MAST4: variants seen among roughly 807,000 people sequenced by gnomAD.
The protein encoded by MAST4 is microtubule associated serine/threonine kinase family member 4.
In MAST4, 89 loss-of-function variants were observed where a neutral mutation model predicts 162.7. The observed-to-expected ratio is 0.55, with a 90% CI of 0.46 to 0.65. MAST4 has a LOEUF of 0.65. Ranked by LOEUF, MAST4 falls within the 30% of genes least tolerant of loss-of-function variation. The probability of loss-of-function intolerance (pLI) is 0.00; values close to 1 mark genes in which losing one functional copy is unlikely to be tolerated. For synonymous variants in MAST4, 1,479 were observed against 1,361.1 expected, an observed-to-expected ratio of 1.09 and a Z score of -1.91; for missense variants, 3,153 against 3,374.0, an observed-to-expected ratio of 0.93 and a Z score of 1.62.
chr5:67,164,246 C>T lies in MAST4; in HGVS notation c.5067C>T (p.Leu1689=). Residue 1689 remains leucine (L), a synonymous_variant, in exon 29 of 29, where the codon CTC becomes CTT. Coordinates refer to ENST00000403625, the MANE Select transcript of MAST4 (RefSeq NM_001164664.2). The surrounding 1 kb of genome is among the most constrained non-coding windows in gnomAD (Gnocchi z 5.3). ...GCAAGCTGGCCAACATCGATTACCT[C>T]CGAAAGAAAATGTCACTTGAGGACA... ...LDSKLANIDY[L]RKKMSLEDKE... 6.2e-7 allele frequency: 1 copy of T among 1,614,002 alleles called. No individual in the cohort carries two copies.
chr5:67,122,957 T>G (rs1261216445), intron 14 of MAST4, among the ~76,000 whole-genome samples: 1 of 152,222 alleles, frequency 6.6e-6, no homozygotes. Flanking sequence ...TTTTTTTCTT[T>G]TTCTCTTCTC....
chr5:66,626,815 A>G (rs1367596838), intron 1 of MAST4, among the ~76,000 whole-genome samples: 2 of 152,126 alleles, frequency 1.3e-5, no homozygotes, highest in African/African-American at 4.8e-5. Context: ...GTGAGGAAAA[A>G]AGTTGGATAA....
In MAST4 at chr5:67,163,688, G is replaced by T. The variant is rs762260210; in HGVS notation, c.4509G>T (p.Arg1503=). 6.2e-7 allele frequency: 1 copy of T among 1,608,926 alleles called. No individual in the cohort carries two copies. The highest frequency in any genetic ancestry group is 1.1e-5 in the South Asian group (1 of 90,362). ...ACGTGCCGCCGCTCAGCCGCGCCCG[G>T]CCAGTGGAGCAAGGCTGCCTGAAAC... ...VCDVPPLSRA[R]PVEQGCLKRP... is the part of the protein sequence containing the mutation. The change falls in exon 29 of 29, where the codon CGG becomes CGT. Residue 1503 remains arginine (R), a synonymous_variant. Transcript: ENST00000403625. The surrounding 1 kb of genome is among the most constrained non-coding windows in gnomAD (Gnocchi z 7.0).
intron 3 of MAST4, among the ~76,000 whole-genome samples, chr5:66,848,982 A>C (rs564453889): frequency 6.6e-6 from 1 of 152,322 alleles, no homozygotes; most frequent in Admixed American, 6.5e-5. Context: ...TCATGAGTTA[A>C]AGCGATGGAA....
At chr5:66,915,839 GTT>G (rs1453375432) in intron 4 of MAST4, among the ~76,000 whole-genome samples, 1 of 152,156 alleles carries the variant, frequency 6.6e-6, no homozygotes, top group Non-Finnish European at 1.5e-5. Flanking sequence ...TCCGCCTGAG[GTT>G]TCCAGAGTTA....
chr5:66,785,408 G>C (rs1459469729), intron 2 of MAST4, among the ~76,000 whole-genome samples: 2 of 152,060 alleles, frequency 1.3e-5, no homozygotes, highest in Non-Finnish European at 2.9e-5. Context: ...TTTATAACTT[G>C]TTCTTCACCT....
intron 1 of MAST4, among the ~76,000 whole-genome samples, chr5:66,694,567 A>G (rs58055171): frequency 0.025 from 3,730 of 151,896 alleles, 158 homozygotes; most frequent in African/African-American, 0.086. Context: ...GTTCACTGCA[A>G]CCTCTACCTC....
intron 4 of MAST4, among the ~76,000 whole-genome samples, chr5:67,031,740 C>T (rs1755353122): frequency 6.6e-6 from 1 of 152,142 alleles, no homozygotes; most frequent in African/African-American, 2.4e-5. Flanking sequence ...GTTAGAGTTT[C>T]TAAAGATGGG....
intron 1 of MAST4, among the ~76,000 whole-genome samples, chr5:66,629,311 C>A (rs761642478): frequency 6.6e-6 from 1 of 152,170 alleles, no homozygotes; most frequent in African/African-American, 2.4e-5. Flanking sequence ...GGTTTTACTG[C>A]AAACTAGAAG....
rs1394553128 is a variant in MAST4 at position 66,841,556 on chromosome 5, C to T, written c.642+52762C>T. Among the ~76,000 whole-genome samples the T allele has an allele frequency of 2.0e-5, 3 of 152,152 alleles. No individual in the cohort carries two copies. In the East Asian group the frequency reaches 5.8e-4, roughly 29 times the overall value. ...TGGGGAGGGCTCTCTTCCTGGTTTG[C>T]AGACAGTTGCCTTCTTGCTATATGG... On this transcript the variant is annotated intron_variant, in intron 3 of 28. Transcript: ENST00000403625.
chr5:66,850,947 A>C (rs377743691), intron 3 of MAST4, among the ~76,000 whole-genome samples: 1 of 103,452 alleles, frequency 9.7e-6, no homozygotes, highest in Non-Finnish European at 2.0e-5. Flanking sequence ...TTTTTTTTTG[A>C]AGAAAAAAAT....
chr5:66,791,886 G>A (rs958931884), intron 3 of MAST4, among the ~76,000 whole-genome samples: 1 of 152,106 alleles, frequency 6.6e-6, no homozygotes, highest in South Asian at 2.1e-4. Flanking sequence ...CCAGACAGAC[G>A]ACCATCTTGA....
intron 4 of MAST4, among the ~76,000 whole-genome samples, chr5:66,987,629 CTTTAT>C (rs1314548706): frequency 6.6e-6 from 1 of 151,924 alleles, no homozygotes; most frequent in African/African-American, 2.4e-5. Flanking sequence ...TTTTCTTTCT[CTTTAT>C]TTTGTCTCCC....
At chr5:66,895,501 G>A (rs1192029141) in intron 3 of MAST4, among the ~76,000 whole-genome samples, 1 of 152,108 alleles carries the variant, frequency 6.6e-6, no homozygotes, top group Non-Finnish European at 1.5e-5. Context: ...CATCTTGAAT[G>A]TAGCATGTCA....
rs1773783989 is a variant in MAST4 at position 67,165,475 on chromosome 5, G to A, written c.6296G>A (p.Ser2099Asn). 6.2e-7 allele frequency: 1 copy of A among 1,613,954 alleles called. No individual in the cohort carries two copies. Among genetic ancestry groups the A allele is most frequent in the African/African-American group, 1.3e-5 (1 of 75,054 alleles). Reference sequence around the variant, plus strand: ...TCTCTGCAGCCACCTGGAATTGAGAGTGAGAAGAGTGAAAAGCTCTCCAGT... The same window carrying A: ...TCTCTGCAGCCACCTGGAATTGAGAATGAGAAGAGTGAAAAGCTCTCCAGT... ...RRSLQPPGIE[S>N]EKSEKLSSFP... The change falls in exon 29 of 29, where the codon AGT becomes AAT. Residue 2099 changes from serine (S) to asparagine (N), a missense_variant. Ser to Asn is a conservative substitution (Grantham distance 46). Coordinates refer to ENST00000403625, the MANE Select transcript of MAST4 (RefSeq NM_001164664.2).
intron 7 of MAST4, among the ~76,000 whole-genome samples, chr5:67,097,593 T>C (rs1239298877): frequency 1.3e-5 from 2 of 152,190 alleles, no homozygotes; most frequent in African/African-American, 4.8e-5. Flanking sequence ...CTCTAAATTC[T>C]GTATGTGCCT....
intron 8 of MAST4, 42 bp downstream of exon 8, chr5:67,100,634 C>T: frequency 6.2e-7 from 1 of 1,611,226 alleles, no homozygotes; most frequent in Non-Finnish European, 8.5e-7. Context: ...GTTGGATTCT[C>T]TATTTTCAAA....
intron 5 of MAST4, among the ~76,000 whole-genome samples, chr5:67,065,900 C>T (rs573140536): frequency 1.3e-5 from 2 of 152,142 alleles, no homozygotes; most frequent in East Asian, 3.9e-4. Flanking sequence ...TGAGTAATTG[C>T]AGAGCTTGTC....
intron 1 of MAST4, among the ~76,000 whole-genome samples, chr5:66,678,056 G>A (rs992299432): frequency 7.2e-5 from 11 of 152,150 alleles, no homozygotes; most frequent in Admixed American, 5.2e-4. Context: ...AGCTGCAAGT[G>A]CTGTGACCAG....
Sources: gnomAD v4.1 joint callset for allele counts (sites outside exome capture counted in the v4.1 genomes callset) on GRCh38, gnomAD v4.1.1 for gene constraint, Gnocchi (gnomAD v3.1) non-coding constraint, MANE v1.5 for transcripts, NCBI Gene and HGNC (gene_info 2026-07-23, HGNC 2026-07-21) for gene names.